TLR6: variants seen among roughly 807,000 people sequenced by gnomAD.
TLR6 encodes the protein toll-like receptor 6.
A neutral mutation model predicts 16.1 loss-of-function variants in TLR6; 9 were observed. The observed-to-expected ratio is 0.56, with a 90% confidence interval of 0.34 to 0.98. The LOEUF (loss-of-function observed/expected upper bound fraction) is 0.98. TLR6 is among the 50% of genes least tolerant of loss of function. The pLI is 0.02. For missense variants in TLR6, 786 were observed against 921.0 expected, an observed-to-expected ratio of 0.85 and a Z score of 1.90; for synonymous variants, 340 against 338.6, an observed-to-expected ratio of 1.00 and a Z score of -0.04.
intron 1 of TLR6, among the ~76,000 whole-genome samples, chr4:38,850,867 T>C (rs1420237503): frequency 1.1e-3 from 172 of 151,804 alleles, no homozygotes; most frequent in African/African-American, 4.0e-3. Flanking sequence ...GGAATCCTCC[T>C]TAACTCATTT....
chr4:38,849,673 G>A (rs1051253109), intron 1 of TLR6, among the ~76,000 whole-genome samples: 10 of 142,688 alleles, frequency 7.0e-5, no homozygotes, highest in Non-Finnish European at 9.7e-5. Flanking sequence ...AATCAAAAGA[G>A]ACAAAGAAGG....
At chr4:38,846,997 C>A (rs1712556797) in intron 1 of TLR6, among the ~76,000 whole-genome samples, 2 of 151,848 alleles carry the variant, frequency 1.3e-5, no homozygotes, top group African/African-American at 4.8e-5. Flanking sequence ...TAGCTGTGTC[C>A]TGAAGAAAAA....
chr4:38,859,117 T>C (rs1483075554), upstream of TLR6, among the ~76,000 whole-genome samples: 9 of 152,116 alleles, frequency 5.9e-5, no homozygotes, highest in African/African-American at 9.7e-5. Flanking sequence ...TGCTGGTCAG[T>C]GGTGGGGGTG....
the TLR6 span, among the ~76,000 whole-genome samples, chr4:38,867,355 G>T: frequency 6.6e-6 from 1 of 152,212 alleles, no homozygotes; most frequent in Non-Finnish European, 1.5e-5. Flanking sequence ...TGGCCTTCTG[G>T]AAAGTGGGTT....
At chr4:38,853,682 A>G (rs1230630904) in intron 1 of TLR6, among the ~76,000 whole-genome samples, 5 of 152,158 alleles carry the variant, frequency 3.3e-5, no homozygotes, top group African/African-American at 1.2e-4. Context: ...TGGCACAATC[A>G]TAGCTTAAGG....
chr4:38,846,243 G>A (rs1465494930), intron 1 of TLR6, among the ~76,000 whole-genome samples: 2 of 152,122 alleles, frequency 1.3e-5, no homozygotes, highest in Admixed American at 1.3e-4. Context: ...ACTGCAGAAA[G>A]CAAGTACCAT....
At chr4:38,850,946 A>G (rs1042974627) in intron 1 of TLR6, among the ~76,000 whole-genome samples, 1 of 152,198 alleles carries the variant, frequency 6.6e-6, no homozygotes, top group Non-Finnish European at 1.5e-5. Context: ...ATTTTAGACC[A>G]ATATCCCTGA....
At chr4:38,863,531 T>C in the TLR6 span, among the ~76,000 whole-genome samples, 2 of 152,326 alleles carry the variant, frequency 1.3e-5, no homozygotes, top group East Asian at 3.9e-4. Flanking sequence ...ACTCCAAACC[T>C]GCCCCCTCTT....
chr4:38,847,425 C>T (rs564072669), intron 1 of TLR6, among the ~76,000 whole-genome samples: 64 of 152,154 alleles, frequency 4.2e-4, no homozygotes, highest in African/African-American at 1.5e-3. Flanking sequence ...TGGGGCCCGT[C>T]GGACAGTGGG....
chr4:38,831,196 AT>A (rs1367273349), intron 1 of TLR6, among the ~76,000 whole-genome samples: 1 of 152,146 alleles, frequency 6.6e-6, no homozygotes, highest in East Asian at 1.9e-4. Context: ...CCACAAAAAA[AT>A]AATCAACTGC....
chr4:38,851,911 C>T (rs1345992343), intron 1 of TLR6, among the ~76,000 whole-genome samples: 2 of 152,128 alleles, frequency 1.3e-5, no homozygotes, highest in Non-Finnish European at 2.9e-5. Flanking sequence ...AAAAAGAGCC[C>T]ATATTGCCAA....
At chr4:38,849,933 T>C (rs113418912) in intron 1 of TLR6, among the ~76,000 whole-genome samples, 4,743 of 152,200 alleles carry the variant, frequency 0.031, 217 homozygotes, top group African/African-American at 0.087. Flanking sequence ...ACAGAATATA[T>C]ATTTTTCTCA....
intron 1 of TLR6, among the ~76,000 whole-genome samples, chr4:38,846,160 A>G (rs985862365): frequency 2.6e-5 from 4 of 152,096 alleles, no homozygotes; most frequent in African/African-American, 7.2e-5. Context: ...CCCAACAAGC[A>G]GGCTATGAAA....
At chr4:38,863,874 C>T in the TLR6 span, among the ~76,000 whole-genome samples, 4 of 152,248 alleles carry the variant, frequency 2.6e-5, no homozygotes, top group African/African-American at 9.6e-5. Flanking sequence ...TACTCAAAAG[C>T]CATAAGGGTG....
chr4:38,847,297 G>C (rs967945608), intron 1 of TLR6, among the ~76,000 whole-genome samples: 10 of 151,976 alleles, frequency 6.6e-5, no homozygotes, highest in Admixed American at 4.6e-4. Context: ...GCACACATTA[G>C]GGGGGGTGGT....
rs2109457814 is a variant in TLR6 at position 38,844,941 on chromosome 4, C to T, written c.-65+11820G>A. On this transcript the variant is annotated intron_variant, in intron 1 of 1. Coordinates refer to ENST00000436693, the Ensembl canonical transcript of TLR6. ...AGGCGTGGTGGTACACACCTGTATT[C>T]CCAGCTACTTTGGGGGCTGAGGCAA... Among the ~76,000 whole-genome samples, 3 of 152,212 alleles carry T rather than the reference C, an allele frequency of 2.0e-5. 1 individual carries two copies. In the South Asian group the frequency reaches 6.2e-4, roughly 32 times the overall value.
At chr4:38,858,847 G>GA (rs1439549381), upstream of TLR6, among the ~76,000 whole-genome samples, 1 of 102,116 alleles carries the variant, frequency 9.8e-6, no homozygotes, top group East Asian at 3.3e-4. Flanking sequence ...AAGAAAGAAA[G>GA]AAAGAAAGAA....
chr4:38,843,065 A>C (rs117188684), intron 1 of TLR6, among the ~76,000 whole-genome samples: 1,783 of 152,294 alleles, frequency 0.012, 30 homozygotes, highest in East Asian at 0.066. Flanking sequence ...TGCCGTATGG[A>C]AGAGATAACT....
At chr4:38,849,077 C>T (rs1306269124) in intron 1 of TLR6, among the ~76,000 whole-genome samples, 1 of 150,800 alleles carries the variant, frequency 6.6e-6, no homozygotes, top group South Asian at 2.1e-4. Flanking sequence ...AACAGCTGAT[C>T]TCTCGGCAGA....
Sources: gnomAD v4.1 joint callset for allele counts (sites outside exome capture counted in the v4.1 genomes callset) on GRCh38, gnomAD v4.1.1 for gene constraint, MANE v1.5 for transcripts, NCBI Gene and HGNC (gene_info 2026-07-23, HGNC 2026-07-21) for gene names.